ABCB1: variants seen among roughly 807,000 people sequenced by gnomAD.
The protein encoded by ABCB1 is ATP binding cassette subfamily B member 1.
A neutral mutation model predicts 142.0 loss-of-function variants in ABCB1; 69 were observed. The ratio of observed to expected loss-of-function variants is 0.49; its 90% CI spans 0.40 to 0.59. The LOEUF (loss-of-function observed/expected upper bound fraction) is 0.59, where lower values mean the gene tolerates loss of function less well. Among genes scored for constraint, ABCB1 ranks in the 20% least tolerant of loss-of-function variants. The probability of loss-of-function intolerance (pLI) is 0.00; values close to 1 mark genes in which losing one functional copy is unlikely to be tolerated. For missense variants in ABCB1, 1,326 were observed against 1,554.7 expected (o/e 0.85, Z 2.47); for synonymous variants, 532 against 539.2 (o/e 0.99, Z 0.18).
rs199676098 is a variant in ABCB1 at position 87,505,986 on chromosome 7, G to T, written c.3547C>A (p.Arg1183Ser). The change falls in exon 27 of 28, where the codon CGC becomes AGC. Residue 1183 changes from arginine to serine, a missense_variant. By Grantham distance (110) the Arg-to-Ser change is moderately radical (BLOSUM62 -1). Coordinates refer to ENST00000622132, the MANE Select transcript of ABCB1 (RefSeq NM_001348946.2). Reference sequence around the variant, plus strand: ...ACAAGGGCACGAGCTATGGCAATGCGTTGTTTCTGGCCACCAGAGAGCTGA... The same window carrying T: ...ACAAGGGCACGAGCTATGGCAATGCTTTGTTTCTGGCCACCAGAGAGCTGA... ...GTQLSGGQKQ[R>S]IAIARALVRQ... 41 of 1,613,914 alleles carry T rather than the reference G, an allele frequency of 2.5e-5. No homozygotes were observed. The South Asian group carries it at 4.5e-4, about 18-fold the overall frequency.
chr7:87,642,826 G>A lies in ABCB1; in HGVS notation c.-330-41748C>T, dbSNP rs564078680. Among the ~76,000 whole-genome samples the A allele has an allele frequency of 2.6e-5, 4 of 152,214 alleles. No homozygotes were observed. In the South Asian group the frequency reaches 6.2e-4, roughly 24 times the overall value. On this transcript the variant is annotated intron_variant, in intron 1 of 28. Transcript: ENST00000265724. ...TAATATAGTATTTCCATTCTTAAGT[G>A]TCTAGATTAACAATTCTCTTTTAAA...
At chr7:87,558,713 C>A (rs1046622898) in intron 8 of ABCB1, among the ~76,000 whole-genome samples, 1 of 151,880 alleles carries the variant, frequency 6.6e-6, no homozygotes, top group African/African-American at 2.4e-5. Context: ...TAATGTTTCA[C>A]CACTAAATGT....
At chr7:87,667,452 T>A (rs1261382736) in intron 1 of ABCB1, among the ~76,000 whole-genome samples, 1 of 152,118 alleles carries the variant, frequency 6.6e-6, no homozygotes, top group South Asian at 2.1e-4. Context: ...ATAGTTTAAC[T>A]TTCTCTTTTC....
At position 87,512,258 on chromosome 7, in the gene ABCB1, G is replaced by A. The variant is rs747380070; in HGVS notation, c.3283-2777C>T. On this transcript the variant is annotated intron_variant, in intron 25 of 27. Transcript: ENST00000622132. Reference sequence around the variant, plus strand: ...CCTTCAGGTCCCTCAAAACTTGGAGGATCCTCCCATCTTCACAATTTCATA... The same window carrying A: ...CCTTCAGGTCCCTCAAAACTTGGAGAATCCTCCCATCTTCACAATTTCATA... Among the ~76,000 whole-genome samples, 6 of 151,840 alleles carry A rather than the reference G, an allele frequency of 4.0e-5. No homozygotes were observed. In the South Asian group the frequency reaches 1.3e-3, roughly 32 times the overall value.
rs36015329 is a variant in ABCB1, at chr7:87,591,056, T to G, written c.117+4710A>C. ...TTTGCAGATTTAAAAGATCTCCAGA[T>G]AGGGGATTACCCTGGATTATCTAGG... On this transcript the variant is annotated intron_variant, in intron 3 of 27. Transcript: ENST00000622132. Among the ~76,000 whole-genome samples, 154 of 152,266 alleles carry G rather than the reference T, an allele frequency of 1.0e-3. 2 individuals carry two copies. The highest frequency in any genetic ancestry group is 9.5e-3 in the Admixed American group (146 of 15,294).
chr7:87,527,742 T>A (rs1229970179), intron 21 of ABCB1, among the ~76,000 whole-genome samples: 1 of 152,214 alleles, frequency 6.6e-6, no homozygotes, highest in Non-Finnish European at 1.5e-5. Flanking sequence ...ATTGTTAGTG[T>A]CACTGCATTT....
chr7:87,531,938 T>A (rs1462087979), intron 20 of ABCB1, among the ~76,000 whole-genome samples: 1 of 152,210 alleles, frequency 6.6e-6, no homozygotes, highest in Non-Finnish European at 1.5e-5. Flanking sequence ...ATATAATGTT[T>A]AATTTGGAAA....
chr7:87,618,198 G>C (rs1820091051), intron 1 of ABCB1, among the ~76,000 whole-genome samples: 1 of 152,022 alleles, frequency 6.6e-6, no homozygotes, highest in Non-Finnish European at 1.5e-5. Flanking sequence ...TCTTTTATAT[G>C]TTCTTCTCTC....
At chr7:87,643,129 A>T (rs1584980940) in intron 1 of ABCB1, among the ~76,000 whole-genome samples, 1 of 151,888 alleles carries the variant, frequency 6.6e-6, no homozygotes, top group Non-Finnish European at 1.5e-5. Context: ...TGTTGCTCAA[A>T]CTCCTGACCT....
At chr7:87,617,492 G>A (rs946217825) in intron 1 of ABCB1, among the ~76,000 whole-genome samples, 1 of 152,194 alleles carries the variant, frequency 6.6e-6, no homozygotes, top group Admixed American at 6.5e-5. Context: ...AAAAGGAGCA[G>A]AGTGACTATT....
Position 87,683,166 on chromosome 7 carries a change from T to C in ABCB1, c.-331+29995A>G, listed in dbSNP as rs938346861. Among the ~76,000 whole-genome samples the C allele has an allele frequency of 3.3e-5, 5 of 152,210 alleles. No homozygotes were observed. In the East Asian group the frequency reaches 9.6e-4, roughly 29 times the overall value. ...GCGTCTTTGCCTCTCTCATCCTTCATAGCATTAAAGAGAGGACCTTACTGT... is the reference window on the plus strand; with the variant it reads ...GCGTCTTTGCCTCTCTCATCCTTCACAGCATTAAAGAGAGGACCTTACTGT... On this transcript the variant is annotated intron_variant, in intron 1 of 28. Transcript: ENST00000265724.
chr7:87,504,324 A>C lies in ABCB1; in HGVS notation c.3762T>G (p.His1254Gln), dbSNP rs1404008939. The C allele has an allele frequency of 6.2e-7, 1 of 1,614,040 alleles. No homozygotes were observed. Among genetic ancestry groups the C allele is most frequent in the East Asian group, 2.2e-5 (1 of 44,890 alleles). Residue 1254 changes from histidine to glutamine, a missense_variant, in exon 28 of 28, where the codon CAT becomes CAG. By Grantham distance (24) the His-to-Gln change is conservative (BLOSUM62 0). Coordinates refer to ENST00000622132, the MANE Select transcript of ABCB1 (RefSeq NM_001348946.2). ...VVFQNGRVKE[H>Q]GTHQQLLAQK... The stretch of plus-strand genomic sequence containing the variant: ...GTGCCAGCAGCTGCTGATGCGTGCC[A>C]TGCTCCTTGACTCTGCCATTCTGAA...
At chr7:87,579,889 C>A (rs897815535) in intron 4 of ABCB1, among the ~76,000 whole-genome samples, 1 of 152,160 alleles carries the variant, frequency 6.6e-6, no homozygotes, top group African/African-American at 2.4e-5. Context: ...CTGATGGCAA[C>A]TTAATGCTGA....
At chr7:87,667,055 CA>C in intron 1 of ABCB1, among the ~76,000 whole-genome samples, 1 of 152,278 alleles carries the variant, frequency 6.6e-6, no homozygotes, top group Middle Eastern at 3.4e-3. Context: ...ATAGGAATAG[CA>C]TTGAATCTAT....
chr7:87,639,157 A>AAAC (rs1488578315), intron 1 of ABCB1, among the ~76,000 whole-genome samples: 4 of 151,262 alleles, frequency 2.6e-5, no homozygotes, highest in African/African-American at 9.7e-5. Flanking sequence ...CCGTCTCAAA[A>AAAC]AAAAAAAAAA....
intron 1 of ABCB1, among the ~76,000 whole-genome samples, chr7:87,672,561 C>T (rs1825933634): frequency 6.6e-6 from 1 of 152,190 alleles, no homozygotes; most frequent in Admixed American, 6.5e-5. Context: ...GGGGTCCAGC[C>T]TTCCACTTTG....
intron 4 of ABCB1, among the ~76,000 whole-genome samples, chr7:87,584,945 TA>T (rs1656643844): frequency 6.7e-6 from 1 of 149,594 alleles, no homozygotes; most frequent in Non-Finnish European, 1.5e-5. Context: ...TATCCTATCC[TA>T]AAATACCCCC....
chr7:87,556,705 G>C (rs1319285844), intron 8 of ABCB1, among the ~76,000 whole-genome samples: 6 of 151,936 alleles, frequency 3.9e-5, no homozygotes, highest in African/African-American at 1.5e-4. Context: ...TTGACTTCTC[G>C]CATCCATTCA....
intron 19 of ABCB1, among the ~76,000 whole-genome samples, chr7:87,537,215 C>T (rs367925216): frequency 4.6e-5 from 7 of 152,154 alleles, no homozygotes; most frequent in Admixed American, 6.5e-5. Context: ...ATGGAGTAGA[C>T]GGTGTATTGG....
Sources: gnomAD v4.1 joint callset for allele counts (sites outside exome capture counted in the v4.1 genomes callset) on GRCh38, gnomAD v4.1.1 for gene constraint, MANE v1.5 for transcripts, NCBI Gene and HGNC (gene_info 2026-07-23, HGNC 2026-07-21) for gene names.